Variants in ACO1 observed in about 807,000 individuals in gnomAD.
The protein encoded by ACO1 is aconitase 1, also known as cytoplasmic aconitate hydratase.
ACO1 carries 78 observed loss-of-function variants against 105.1 expected under a neutral mutation model. That is an observed-to-expected ratio of 0.74 (90% CI 0.62 to 0.90). The LOEUF is 0.90. Ranked by LOEUF, ACO1 falls within the 40% of genes least tolerant of loss-of-function variation. The probability of loss-of-function intolerance (pLI) is 0.00; values close to 1 mark genes in which losing one functional copy is unlikely to be tolerated. For missense variants in ACO1, 965 were observed against 1,111.1 expected (o/e 0.87, Z 1.87); for synonymous variants, 364 against 397.4 (o/e 0.92, Z 1.00).
chr9:32,397,201 A>G (rs1051088651), intron 1 of ACO1, among the ~76,000 whole-genome samples: 7 of 152,198 alleles, frequency 4.6e-5, no homozygotes, highest in African/African-American at 2.4e-5. Flanking sequence ...ATGTTGACGT[A>G]ATGTGGTTAT....
chr9:32,429,243 T>C (rs1296676593), intron 12 of ACO1, among the ~76,000 whole-genome samples, 176 bp from the exon 13 acceptor site: 1 of 152,230 alleles, frequency 6.6e-6, no homozygotes, highest in Non-Finnish European at 1.5e-5. Context: ...AGTATTCTTA[T>C]GTTATATATC....
At chr9:32,385,920 G>GGAACACAC (rs1179791887) in intron 1 of ACO1, among the ~76,000 whole-genome samples, 14 of 152,272 alleles carry the variant, frequency 9.2e-5, no homozygotes, top group African/African-American at 3.4e-4. Context: ...CCTCTGATTG[G>GGAACACAC]GAACACACAC....
rs1822791041 is a variant in ACO1, at chr9:32,452,548, A to C, written c.*2437A>C. ...AATTTCTATTGTTTATAAGCCACCC[A>C]GTTGATATTTAGTTACAGCAGCCCA... On this transcript the variant is annotated 3_prime_UTR_variant, in exon 21 of 21. Coordinates refer to ENST00000309951, the MANE Select transcript of ACO1 (RefSeq NM_002197.3). The C allele has an allele frequency of 6.6e-6, 1 of 152,204 alleles. No homozygotes were observed. The highest frequency in any genetic ancestry group is 1.5e-5 in the Non-Finnish European group (1 of 68,066). 9.4% of individuals were successfully genotyped at this position (152,204 alleles called of 1,614,324 possible).
At chr9:32,446,410 C>G (rs761143468) in intron 19 of ACO1, among the ~76,000 whole-genome samples, 1 of 152,002 alleles carries the variant, frequency 6.6e-6, no homozygotes, top group Non-Finnish European at 1.5e-5. Flanking sequence ...GATTGCAACC[C>G]CTGCTTTTTT....
intron 18 of ACO1, among the ~76,000 whole-genome samples, chr9:32,436,766 AAAG>A (rs548457338): frequency 4.9e-4 from 75 of 152,308 alleles, no homozygotes; most frequent in African/African-American, 1.7e-3. Flanking sequence ...ATCCACATGA[AAAG>A]AAGGAGTAGA....
At chr9:32,418,045 A>G in intron 4 of ACO1, 83 bp from the exon 5 acceptor site, 1 of 1,257,454 alleles carries the variant, frequency 8.0e-7, no homozygotes, top group Non-Finnish European at 1.1e-6. Flanking sequence ...ATGCAATTCC[A>G]TTTTGTTTCT....
At position 32,450,363 on chromosome 9, in the gene ACO1, A is replaced by G. The variant is rs139130412; in HGVS notation, c.*252A>G. On this transcript the variant is annotated 3_prime_UTR_variant, in exon 21 of 21. Transcript: ENST00000309951. ...TGGTGGGAATGTCAGTAGTGCCAGA[A>G]AGAGAGAACCAAGCTTGTCTTTAAA... The G allele has an allele frequency of 6.5e-3, 3,536 of 540,510 alleles. 92 individuals carry two copies. Among genetic ancestry groups the G allele is most frequent in the African/African-American group, 0.059 (3,085 of 52,578 alleles). 33.5% of individuals were successfully genotyped at this position (540,510 alleles called of 1,614,324 possible).
intron 4 of ACO1, among the ~76,000 whole-genome samples, chr9:32,417,800 A>G (rs1363314513): frequency 6.6e-6 from 1 of 152,228 alleles, no homozygotes; most frequent in African/African-American, 2.4e-5. Flanking sequence ...TTAAATGTCC[A>G]GGCTGCTGTT....
At chr9:32,412,500 A>G (rs940978775) in intron 4 of ACO1, among the ~76,000 whole-genome samples, 2 of 152,342 alleles carry the variant, frequency 1.3e-5, no homozygotes, top group South Asian at 4.1e-4. Flanking sequence ...GGCAGCCTCA[A>G]AAGAAATTTA....
At position 32,453,954 on chromosome 9, in the gene ACO1, T is replaced by C. The variant is rs564488404; in HGVS notation, c.*3843T>C. 4 of 152,300 alleles carry C rather than the reference T, an allele frequency of 2.6e-5. No individual in the cohort carries two copies. Among genetic ancestry groups the C allele is most frequent in the East Asian group, 3.9e-4 (2 of 5,188 alleles). 9.4% of individuals were successfully genotyped at this position (152,300 alleles called of 1,614,324 possible). ...GTGAAGCCTACTTATTCAGTACAGA[T>C]TTGTTGAATGAAATTCGTAGTTTTA... On this transcript the variant is annotated 3_prime_UTR_variant, in exon 21 of 21. Coordinates refer to ENST00000309951, the MANE Select transcript of ACO1 (RefSeq NM_002197.3).
At chr9:32,434,895 T>G (rs1450751896) in intron 17 of ACO1, among the ~76,000 whole-genome samples, 194 bp downstream of exon 17, 1 of 152,188 alleles carries the variant, frequency 6.6e-6, no homozygotes, top group African/African-American at 2.4e-5. Context: ...ACGATCAACA[T>G]GTGAATCCTA....
chr9:32,387,706 A>G (rs906582421), intron 1 of ACO1, among the ~76,000 whole-genome samples: 5 of 152,184 alleles, frequency 3.3e-5, no homozygotes, highest in African/African-American at 9.7e-5. Context: ...TTTTTGGGTT[A>G]TGGTTATACA....
Position 32,427,299 on chromosome 9 carries a change from A to G in ACO1, c.1349-2A>G. On this transcript the variant is annotated splice_acceptor_variant, in intron 11 of 20. Coordinates refer to ENST00000309951, the MANE Select transcript of ACO1 (RefSeq NM_002197.3). LOFTEE classifies it high-confidence loss of function. ...ACTGCATCTGTGTTTACCATTTCAC[A>G]GGATTGTTAGCAAAGAAAGCTGTGG... The G allele has an allele frequency of 1.9e-6, 3 of 1,614,106 alleles. No individual in the cohort carries two copies. The highest frequency in any genetic ancestry group is 2.5e-6 in the Non-Finnish European group (3 of 1,180,004).
chr9:32,433,228 A>G (rs1214059595), intron 15 of ACO1, among the ~76,000 whole-genome samples: 1 of 151,996 alleles, frequency 6.6e-6, no homozygotes, highest in Non-Finnish European at 1.5e-5. Flanking sequence ...CACGGTGCAT[A>G]TGTATGTTGT....
chr9:32,445,724 C>T (rs183248371), intron 19 of ACO1: 66 of 202,234 alleles, frequency 3.3e-4, no homozygotes, highest in Non-Finnish European at 6.2e-4. Context: ...GATTTTAGAA[C>T]TTTCCTGCTT....
chr9:32,427,168 G>A (rs1009270982), intron 11 of ACO1, 133 bp from the exon 12 acceptor site: 11 of 1,132,954 alleles, frequency 9.7e-6, no homozygotes, highest in Middle Eastern at 3.0e-4. Flanking sequence ...AGCAGATAGC[G>A]CCAACATGAA....
At chr9:32,424,694 C>T (rs1415370761) in intron 10 of ACO1, 29 bp downstream of exon 10, 1 of 1,448,294 alleles carries the variant, frequency 6.9e-7, no homozygotes, top group Non-Finnish European at 9.7e-7. Context: ...AGGTTGAATC[C>T]TCTCAACTCT....
chr9:32,425,238 G>A (rs1466657006), intron 10 of ACO1, among the ~76,000 whole-genome samples: 1 of 152,184 alleles, frequency 6.6e-6, no homozygotes, highest in Non-Finnish European at 1.5e-5. Context: ...CACCTTGGGA[G>A]CCCGCAAGGT....
intron 8 of ACO1, among the ~76,000 whole-genome samples, chr9:32,422,110 A>G (rs1273339960): frequency 4.6e-5 from 7 of 152,208 alleles, no homozygotes; most frequent in African/African-American, 1.7e-4. Flanking sequence ...CTAAAGAAAG[A>G]GAGGGATAGT....
Sources: allele counts gnomAD v4.1 joint callset (sites outside exome capture counted in the v4.1 genomes callset), GRCh38; gene constraint gnomAD v4.1.1; transcripts MANE v1.5; gene names NCBI Gene and HGNC (gene_info 2026-07-23, HGNC 2026-07-21).